Variants in PPARD observed in about 807,000 individuals in gnomAD.
The protein encoded by PPARD is peroxisome proliferator-activated receptor delta.
PPARD carries 6 observed loss-of-function variants against 39.5 expected under a neutral mutation model. The observed-to-expected ratio is 0.15, with a 90% CI of 0.08 to 0.30. The LOEUF (loss-of-function observed/expected upper bound fraction) is 0.30, where lower values mean the gene tolerates loss of function less well. Among genes scored for constraint, PPARD ranks in the 10% least tolerant of loss-of-function variants. PPARD has a pLI of 1.00. For synonymous variants in PPARD, 210 were observed against 231.3 expected, an observed-to-expected ratio of 0.91 and a Z score of 0.83; for missense variants, 397 against 596.8, an observed-to-expected ratio of 0.67 and a Z score of 3.49.
intron 1 of PPARD, among the ~76,000 whole-genome samples, chr6:35,346,394 T>G (rs1226157002): frequency 6.6e-6 from 1 of 152,250 alleles, no homozygotes; most frequent in African/African-American, 2.4e-5. Context: ...TTGTCCGTTC[T>G]GCCAGGCCCT....
At chr6:35,398,401 C>T (rs1183425249) in intron 2 of PPARD, among the ~76,000 whole-genome samples, 2 of 152,132 alleles carry the variant, frequency 1.3e-5, no homozygotes, top group Non-Finnish European at 2.9e-5. Context: ...TTGGAGTTGT[C>T]ATTTACTGAG....
chr6:35,398,603 G>A (rs1764492678), intron 2 of PPARD, among the ~76,000 whole-genome samples: 1 of 152,206 alleles, frequency 6.6e-6, no homozygotes. Context: ...CGTAGATGGA[G>A]AATGAAAGAG....
At chr6:35,365,498 CT>C (rs113453800) in intron 2 of PPARD, among the ~76,000 whole-genome samples, 38,298 of 134,228 alleles carry the variant, frequency 0.29, 9,690 homozygotes, top group African/African-American at 0.67. Flanking sequence ...CCAGTCTCTT[CT>C]TTTTTTTTTT....
chr6:35,361,052 T>G (rs1761900895), intron 2 of PPARD, among the ~76,000 whole-genome samples: 1 of 152,136 alleles, frequency 6.6e-6, no homozygotes, highest in African/African-American at 2.4e-5. Context: ...CACTTCTCAT[T>G]TCTTTGGCTT....
At position 35,426,173 on chromosome 6, in the gene PPARD, C is replaced by A; in HGVS notation, c.*94C>A. 6.7e-7 allele frequency: 1 copy of A among 1,500,774 alleles called. No homozygotes were observed. The highest frequency in any genetic ancestry group is 8.9e-7 in the Non-Finnish European group (1 of 1,122,216). The allele number at this position is 1,500,774 out of a possible 1,614,324, so 93.0% of individuals were successfully genotyped here. ...TTCCATTGACCAGCCCTTGAGCACC[C>A]GGCCTGGAGCAGCAGAGTCCCACGA... On this transcript the variant is annotated 3_prime_UTR_variant, in exon 8 of 8. Coordinates refer to ENST00000360694, the MANE Select transcript of PPARD (RefSeq NM_006238.5).
chr6:35,387,973 C>T (rs1037135851), intron 2 of PPARD, among the ~76,000 whole-genome samples: 34 of 151,440 alleles, frequency 2.2e-4, no homozygotes, highest in Admixed American at 1.9e-3. Context: ...CTGCCCACCT[C>T]GGCCTCCCAA....
intron 2 of PPARD, among the ~76,000 whole-genome samples, chr6:35,350,191 C>G (rs1010169933): frequency 6.6e-6 from 1 of 152,130 alleles, no homozygotes; most frequent in Non-Finnish European, 1.5e-5. Flanking sequence ...AATATTTTCT[C>G]TCATTCTGTG....
At chr6:35,360,664 G>C (rs1007362743) in intron 2 of PPARD, among the ~76,000 whole-genome samples, 1 of 152,240 alleles carries the variant, frequency 6.6e-6, no homozygotes, top group Non-Finnish European at 1.5e-5. Context: ...AGGCTGAAAG[G>C]GAGCCAGGGC....
At chr6:35,367,574 A>G (rs1762273182) in intron 2 of PPARD, among the ~76,000 whole-genome samples, 1 of 152,226 alleles carries the variant, frequency 6.6e-6, no homozygotes, top group Non-Finnish European at 1.5e-5. Context: ...GTAACAAATC[A>G]CCTGTGAAAC....
At chr6:35,371,730 G>A (rs1055183328) in intron 2 of PPARD, among the ~76,000 whole-genome samples, 9 of 152,154 alleles carry the variant, frequency 5.9e-5, no homozygotes, top group African/African-American at 1.2e-4. Context: ...CTGTGAACAT[G>A]ACCACCTTGT....
Position 35,424,070 on chromosome 6 carries a change from C to T in PPARD, c.549C>T (p.Tyr183=). 6.2e-7 allele frequency: 1 copy of T among 1,614,184 alleles called. No individual in the cohort carries two copies. The highest frequency in any genetic ancestry group is 8.5e-7 in the Non-Finnish European group (1 of 1,180,042). Reference sequence around the variant, plus strand: ...TGAAGGCCTTCTCCAAGCACATCTACAATGCCTACCTGAAAAACTTCAACA... The same window carrying T: ...TGAAGGCCTTCTCCAAGCACATCTATAATGCCTACCTGAAAAACTTCAACA... ...ADLKAFSKHI[Y]NAYLKNFNMT... is the part of the protein sequence containing the mutation. Residue 183 remains tyrosine (Y), a synonymous_variant, in exon 6 of 8, where the codon TAC becomes TAT. Coordinates refer to ENST00000360694, the MANE Select transcript of PPARD (RefSeq NM_006238.5). The surrounding 1 kb of genome is among the most constrained non-coding windows in gnomAD (Gnocchi z 7.1).
intron 2 of PPARD, among the ~76,000 whole-genome samples, chr6:35,364,936 C>T (rs2150510693): frequency 6.6e-6 from 1 of 151,626 alleles, no homozygotes; most frequent in South Asian, 2.1e-4. Flanking sequence ...GTCTCGATCT[C>T]CTGACCTTGT....
chr6:35,349,526 T>C, intron 2 of PPARD, among the ~76,000 whole-genome samples: 1 of 152,088 alleles, frequency 6.6e-6, no homozygotes, highest in Non-Finnish European at 1.5e-5. Flanking sequence ...CGTATTTGCG[T>C]TGGGATGCAT....
rs1254063254 is a variant in PPARD at position 35,346,974 on chromosome 6, CTT to C, written c.-185-91_-185-90del. Reference sequence around the variant, plus strand: ...GGAGCCAGATTACCTTAGGAACACTCTTTGAGTTACGGTGGGTATAACTTATT... The same window carrying C: ...GGAGCCAGATTACCTTAGGAACACTCTGAGTTACGGTGGGTATAACTTATT... On this transcript the variant is annotated intron_variant, in intron 1 of 7. Coordinates refer to ENST00000360694, the MANE Select transcript of PPARD (RefSeq NM_006238.5). 3 of 730,786 alleles carry C rather than the reference CTT, an allele frequency of 4.1e-6. No individual in the cohort carries two copies. In the Admixed American group the frequency reaches 8.3e-5, roughly 20 times the overall value. The allele number at this position is 730,786 out of a possible 1,614,324, so 45.3% of individuals were successfully genotyped here. A position where few individuals can be genotyped will look rare whatever the true frequency, so the allele number is the denominator to read the frequency against.
chr6:35,390,855 C>G (rs1161437563), intron 2 of PPARD, among the ~76,000 whole-genome samples: 8 of 151,862 alleles, frequency 5.3e-5, no homozygotes, highest in African/African-American at 1.9e-4. Context: ...GATTTTGTCT[C>G]TATTAAAAAT....
rs891128791 is a variant in PPARD at position 35,424,013 on chromosome 6, G to A, written c.492G>A (p.Glu164=). 4 of 1,614,018 alleles carry A rather than the reference G, an allele frequency of 2.5e-6. No homozygotes were observed. The African/African-American group carries it at 5.3e-5, about 22-fold the overall frequency. The change falls in exon 6 of 8, where the codon GAG becomes GAA. Residue 164 remains glutamate, a synonymous_variant. Coordinates refer to ENST00000360694, the MANE Select transcript of PPARD (RefSeq NM_006238.5). The surrounding 1 kb of genome is among the most constrained non-coding windows in gnomAD (Gnocchi z 7.1). ...RKLVAGLTAN[E]GSQYNPQVAD... Reference sequence around the variant, plus strand: ...TGGTGGCAGGGCTGACTGCAAACGAGGGGAGCCAGTACAACCCACAGGTGG... The same window carrying A: ...TGGTGGCAGGGCTGACTGCAAACGAAGGGAGCCAGTACAACCCACAGGTGG...
intron 2 of PPARD, among the ~76,000 whole-genome samples, chr6:35,354,752 A>G (rs775308690): frequency 2.6e-5 from 4 of 152,192 alleles, no homozygotes; most frequent in Non-Finnish European, 4.4e-5. Flanking sequence ...TAAGTAAGTT[A>G]TGGTGTTCGG....
intron 2 of PPARD, among the ~76,000 whole-genome samples, chr6:35,379,095 TC>T (rs958312088): frequency 1.3e-5 from 2 of 150,388 alleles, no homozygotes; most frequent in African/African-American, 4.9e-5. Context: ...GTCTTTTCTT[TC>T]TTTTTTTTTT....
intron 5 of PPARD, among the ~76,000 whole-genome samples, chr6:35,423,054 C>CA (rs56317397): frequency 0.51 from 36,242 of 71,458 alleles, 11,773 homozygotes; most frequent in South Asian, 0.61. Flanking sequence ...CTCATCTCTA[C>CA]AAAAAAAAAA....
Sources: allele counts gnomAD v4.1 joint callset (sites outside exome capture counted in the v4.1 genomes callset), GRCh38; gene constraint gnomAD v4.1.1; non-coding constraint Gnocchi (gnomAD v3.1); transcripts MANE v1.5; gene names NCBI Gene and HGNC (gene_info 2026-07-23, HGNC 2026-07-21).